FHDC1: variants seen among roughly 807,000 people sequenced by gnomAD.
FHDC1 encodes FH2 domain containing 1, also known as FH2 domain-containing protein 1.
FHDC1 carries 25 observed loss-of-function variants against 52.6 expected under a neutral mutation model. The observed-to-expected ratio is 0.48, with a 90% CI of 0.35 to 0.66. The LOEUF is 0.66. Among genes scored for constraint, FHDC1 ranks in the 30% least tolerant of loss-of-function variants. The pLI is 0.01. For synonymous variants in FHDC1, 616 were observed against 581.5 expected (o/e 1.06, Z -0.85); for missense variants, 1,459 against 1,452.8 (o/e 1.00, Z -0.07).
At chr4:152,928,349 C>A in the FHDC1 span, 2 of 453,698 alleles carry the variant, frequency 4.4e-6, no homozygotes, top group Non-Finnish European at 8.1e-6. Flanking sequence ...CCAATCCAAT[C>A]TAAAAATGTG....
rs2149937433 is a variant in FHDC1, at chr4:152,943,327, C to T, written c.270C>T (p.His90=). 3 of 1,612,776 alleles carry T rather than the reference C, an allele frequency of 1.9e-6. No individual in the cohort carries two copies. Among genetic ancestry groups the T allele is most frequent in the Non-Finnish European group, 2.5e-6 (3 of 1,179,752 alleles). The change falls in exon 2 of 12, where the codon CAC becomes CAT. Residue 90 remains histidine (H), a synonymous_variant. Transcript: ENST00000511601. ...PPTTHMNGYS[H]LGKKKRMRSF... ...CTACTCACATGAACGGCTACAGCCA[C>T]CTTGGTAAGAAAAAGCGGATGAGAA...
the FHDC1 span, among the ~76,000 whole-genome samples, chr4:152,925,891 G>A: frequency 5.7e-4 from 86 of 151,790 alleles, 1 homozygote; most frequent in Non-Finnish European, 1.2e-4. Context: ...GGAGGAGGAG[G>A]AGGAGGGAGA....
chr4:152,948,455 TTTG>T (rs778628734), intron 2 of FHDC1, among the ~76,000 whole-genome samples: 5 of 152,020 alleles, frequency 3.3e-5, no homozygotes, highest in African/African-American at 4.8e-5. Flanking sequence ...TTAATTGTTT[TTTG>T]TTGTTGTTGT....
intron 2 of FHDC1, among the ~76,000 whole-genome samples, chr4:152,949,157 G>GAAAAGAAGAAGAAGAAGAAGAAAAGAA (rs1218423580): frequency 6.7e-6 from 1 of 150,118 alleles, no homozygotes; most frequent in African/African-American, 2.5e-5. Context: ...AGAAGAAGAA[G>GAAAAGAAGAAGAAGAAGAAGAAAAGAA]AAGAAGAAGA....
the FHDC1 span, among the ~76,000 whole-genome samples, chr4:152,926,115 C>T: frequency 5.1e-3 from 766 of 150,262 alleles, 25 homozygotes; most frequent in Non-Finnish European, 8.0e-4. Context: ...CCTCATGCAG[C>T]AGAGGGTGGC....
chr4:152,941,922 G>A (rs193184494), intron 1 of FHDC1, among the ~76,000 whole-genome samples: 2 of 152,190 alleles, frequency 1.3e-5, no homozygotes, highest in Admixed American at 6.5e-5. Context: ...CCTGCATGGC[G>A]TCCTTTCTAC....
rs761224747 is a variant in FHDC1 at position 152,960,565 on chromosome 4, G to T, written c.664G>T (p.Val222Leu). ...FLKFLPESEE[V>L]KKLKAFSGDV... ...CCCCCCCTTTCCATTTGTCTTTTAG[G>T]TAAAGAAGTTAAAAGCGTTTAGTGG... The change falls in exon 5 of 12, where the codon GTA becomes TTA. Residue 222 changes from valine (V) to leucine (L), a missense_variant and splice_region_variant. Around this residue, in one of 3 missense-constraint regions of FHDC1, gnomAD observed 513 missense variants for 581.5 expected, o/e 0.88. Transcript: ENST00000511601. 1.2e-6 allele frequency: 2 copies of T among 1,613,292 alleles called. No individual in the cohort carries two copies. Among genetic ancestry groups the T allele is most frequent in the East Asian group, 4.5e-5 (2 of 44,860 alleles).
chr4:152,915,185 C>CG, the FHDC1 span, among the ~76,000 whole-genome samples: 2 of 152,068 alleles, frequency 1.3e-5, no homozygotes, highest in African/African-American at 2.4e-5. Context: ...AAGAAAAGCA[C>CG]GGGGTAGGCT....
intron 8 of FHDC1, among the ~76,000 whole-genome samples, chr4:152,964,548 T>C (rs948700298): frequency 6.6e-6 from 1 of 152,196 alleles, no homozygotes; most frequent in Non-Finnish European, 1.5e-5. Context: ...TGCAAACTGG[T>C]TTAACAGCTG....
At chr4:152,967,941 C>T (rs905060022) in intron 9 of FHDC1, 39 bp from the exon 10 acceptor site, 3 of 1,504,270 alleles carry the variant, frequency 2.0e-6, no homozygotes, top group African/African-American at 1.4e-5. Context: ...CACATGGCTT[C>T]CTTGTTCCAA....
At chr4:152,929,896 C>G in the FHDC1 span, among the ~76,000 whole-genome samples, 1 of 152,146 alleles carries the variant, frequency 6.6e-6, no homozygotes, top group Non-Finnish European at 1.5e-5. The surrounding 1 kb of genome is among the most constrained non-coding windows in gnomAD (Gnocchi z 4.1). Context: ...ATTTTCTCTG[C>G]TTTCCCTTCT....
chr4:152,955,587 C>T (rs547323530), intron 4 of FHDC1, among the ~76,000 whole-genome samples: 8 of 152,296 alleles, frequency 5.3e-5, no homozygotes, highest in East Asian at 1.9e-4. Flanking sequence ...CGGATTCAAG[C>T]GATTCTCCTG....
intron 4 of FHDC1, 87 bp downstream of exon 4, chr4:152,954,406 G>T: frequency 2.8e-6 from 3 of 1,090,344 alleles, no homozygotes; most frequent in Admixed American, 3.8e-5. Context: ...CACATGGAAG[G>T]CCAGGAGCAG....
chr4:152,913,153 A>G, the FHDC1 span, among the ~76,000 whole-genome samples: 135 of 152,330 alleles, frequency 8.9e-4, no homozygotes, highest in African/African-American at 3.2e-3. Context: ...AATTAAATCA[A>G]TGTGTCAAAA....
intron 1 of FHDC1, among the ~76,000 whole-genome samples, chr4:152,941,834 T>C (rs544371197): frequency 2.6e-5 from 4 of 152,254 alleles, no homozygotes; most frequent in African/African-American, 7.2e-5. Context: ...TAAAAAGCCA[T>C]TGTGTATGGC....
At chr4:152,952,332 G>A (rs566301877) in intron 2 of FHDC1, among the ~76,000 whole-genome samples, 9 of 152,028 alleles carry the variant, frequency 5.9e-5, no homozygotes, top group African/African-American at 2.2e-4. Context: ...AATCTCACGC[G>A]ATTCTTGTTA....
chr4:152,973,753 A>C (rs1740748968), intron 11 of FHDC1, among the ~76,000 whole-genome samples: 1 of 152,252 alleles, frequency 6.6e-6, no homozygotes, highest in African/African-American at 2.4e-5. Context: ...TGTCAAGTAA[A>C]ACTGCTAACA....
chr4:152,976,302 G>A lies in FHDC1; in HGVS notation c.3011G>A (p.Arg1004His), dbSNP rs759202401. Reference protein sequence around the residue: ...RQKPEENKTCRAHSEGPESPK... With the variant: ...RQKPEENKTCHAHSEGPESPK... ...AAGCCTGAGGAAAATAAGACCTGCC[G>A]CGCCCACTCCGAGGGCCCTGAGAGT... The change falls in exon 12 of 12, where the codon CGC becomes CAC. Residue 1004 changes from arginine to histidine, a missense_variant. Physicochemically the swap from Arg to His is conservative, Grantham distance 29 (BLOSUM62 0). This residue lies in a region of FHDC1 where 939 missense variants were observed against 854.5 expected (regional missense o/e 1.10). Coordinates refer to ENST00000511601, the MANE Select transcript of FHDC1 (RefSeq NM_001371116.1). 6.2e-7 allele frequency: 1 copy of A among 1,613,598 alleles called. No individual in the cohort carries two copies. The highest frequency in any genetic ancestry group is 1.1e-5 in the South Asian group (1 of 91,076).
intron 10 of FHDC1, 36 bp from the exon 11 acceptor site, chr4:152,972,341 G>GT (rs757238034): frequency 1.4e-4 from 227 of 1,568,962 alleles, no homozygotes; most frequent in Non-Finnish European, 1.8e-4. Flanking sequence ...AGCTGACAAC[G>GT]TTTACCTCAG....
Sources: gnomAD v4.1 joint callset for allele counts (sites outside exome capture counted in the v4.1 genomes callset) on GRCh38, gnomAD v4.1.1 for gene constraint, gnomAD v4.1.1 regional missense constraint, Gnocchi (gnomAD v3.1) non-coding constraint, MANE v1.5 for transcripts, NCBI Gene and HGNC (gene_info 2026-07-23, HGNC 2026-07-21) for gene names.